IST1: variants seen among roughly 807,000 people sequenced by gnomAD.
IST1 encodes the protein IST1 factor associated with ESCRT-III, also known as IST1 homolog.
IST1 carries 23 observed loss-of-function variants against 37.0 expected under a neutral mutation model. The observed-to-expected ratio is 0.62, with a 90% confidence interval of 0.45 to 0.88. The LOEUF (loss-of-function observed/expected upper bound fraction) is 0.88, where lower values mean the gene tolerates loss of function less well. IST1 is among the 40% of genes least tolerant of loss of function. The pLI, the probability that IST1 is intolerant of heterozygous loss-of-function variation, is 0.00. For missense variants in IST1, 488 were observed against 445.4 expected (o/e 1.10, Z -0.86); for synonymous variants, 180 against 161.7 (o/e 1.11, Z -0.86).
intron 8 of IST1, chr16:71,924,497 G>A (rs548321128): frequency 4.4e-5 from 24 of 546,050 alleles, no homozygotes; most frequent in South Asian, 1.9e-4. Context: ...AGGCTGAGGC[G>A]GGGCAATGGC....
At position 71,923,045 on chromosome 16, in the gene IST1, TAG is replaced by T. The variant is rs1194680973; in HGVS notation, c.760-240_760-239del. ...GTCATTGGTAGTAAGAAAGTCTCGT[TAG>T]AGTTTTCCCTTGTAAACACTGAAGC... is the stretch of plus-strand genomic sequence containing the variant. On this transcript the variant is annotated intron_variant, in intron 7 of 9. Coordinates refer to ENST00000378799, the MANE Select transcript of IST1 (RefSeq NM_001270975.2). The T allele has an allele frequency of 7.0e-5, 33 of 471,246 alleles. 1 individual carries two copies. In the South Asian group the frequency reaches 9.0e-4, roughly 13 times the overall value. The allele number at this position is 471,246 out of a possible 1,614,324, so 29.2% of individuals were successfully genotyped here.
At chr16:71,927,468 G>A (rs1250740300) in intron 9 of IST1, 146 bp from the exon 10 acceptor site, 2 of 639,796 alleles carry the variant, frequency 3.1e-6, no homozygotes, top group Non-Finnish European at 5.4e-6. Context: ...CAGCCTGGGT[G>A]ACAGAGGGAG....
intron 1 of IST1, among the ~76,000 whole-genome samples, chr16:71,910,927 T>A (rs974607055): frequency 6.6e-6 from 1 of 152,124 alleles, no homozygotes; most frequent in Non-Finnish European, 1.5e-5. Context: ...CATTTATATA[T>A]GTGTATAAAG....
At chr16:71,924,901 G>C (rs1401043997) in intron 9 of IST1, 84 bp downstream of exon 9, 3 of 962,986 alleles carry the variant, frequency 3.1e-6, no homozygotes, top group East Asian at 2.4e-5. Context: ...CTTAGAGACT[G>C]TTTCCATGTC....
At chr16:71,913,271 A>C (rs1439407323) in intron 1 of IST1, among the ~76,000 whole-genome samples, 1 of 150,958 alleles carries the variant, frequency 6.6e-6, no homozygotes. Context: ...TCAGTACTTG[A>C]AATTTTCTTT....
chr16:71,922,942 A>G, intron 7 of IST1: 1 of 535,530 alleles, frequency 1.9e-6, no homozygotes, highest in African/African-American at 1.9e-5. Context: ...GATCTGTTAT[A>G]GTCATACTAG....
At position 71,917,051 on chromosome 16, in the gene IST1, C is replaced by G. The variant is rs769663815; in HGVS notation, c.274C>G (p.Leu92Val). The G allele has an allele frequency of 1.9e-6, 3 of 1,594,784 alleles. No individual in the cohort carries two copies. The highest frequency in any genetic ancestry group is 1.4e-5 in the African/African-American group (1 of 74,070). Residue 92 changes from leucine (L) to valine (V), a missense_variant, in exon 4 of 10, where the codon CTA becomes GTA. Physicochemically the swap from Leu to Val is conservative, Grantham distance 32. Around this residue, in one of 2 missense-constraint regions of IST1, gnomAD observed 455 missense variants for 386.2 expected, o/e 1.18. Coordinates refer to ENST00000378799, the MANE Select transcript of IST1 (RefSeq NM_001270975.2). Reference protein sequence around the residue: ...RFGLIQSMKELDSGLAESVST... With the variant: ...RFGLIQSMKEVDSGLAESVST... Reference sequence around the variant, plus strand: ...TTAATTTTTTTCCTTGATTAGGGAACTAGATTCTGGTCTGGCTGAATCTGT... The same window carrying G: ...TTAATTTTTTTCCTTGATTAGGGAAGTAGATTCTGGTCTGGCTGAATCTGT...
At chr16:71,927,503 G>T (rs764558830) in intron 9 of IST1, 111 bp from the exon 10 acceptor site, 422 of 711,072 alleles carry the variant, frequency 5.9e-4, no homozygotes, top group Non-Finnish European at 8.3e-4. Context: ...AAAAAAAAAA[G>T]TTTGTGAACT....
chr16:71,911,859 G>C (rs1434619398), intron 1 of IST1, among the ~76,000 whole-genome samples: 1 of 151,908 alleles, frequency 6.6e-6, no homozygotes, highest in Non-Finnish European at 1.5e-5. Context: ...TGGAACTACA[G>C]GCTCGCACCA....
chr16:71,911,877 A>G (rs1024331852), intron 1 of IST1, among the ~76,000 whole-genome samples: 2 of 151,720 alleles, frequency 1.3e-5, no homozygotes, highest in African/African-American at 2.4e-5. Flanking sequence ...CCACCATGCC[A>G]TGGCGAATTT....
chr16:71,921,551 G>A, intron 6 of IST1, 98 bp downstream of exon 6: 1 of 721,960 alleles, frequency 1.4e-6, no homozygotes, highest in Non-Finnish European at 2.4e-6. Flanking sequence ...AAATTTGTGT[G>A]AGTTTAAGCC....
intron 1 of IST1, chr16:71,903,661 G>A (rs1333183700): frequency 6.6e-6 from 1 of 152,210 alleles, no homozygotes; most frequent in Non-Finnish European, 1.5e-5. Flanking sequence ...AGCCTCTCAA[G>A]TAGCTGAGGT....
upstream of IST1, chr16:71,894,716 T>TTTTTTTTGG: frequency 1.8e-6 from 1 of 557,206 alleles, no homozygotes; most frequent in South Asian, 2.5e-5. Flanking sequence ...TTTTTTTTTT[T>TTTTTTTTGG]GTAGCGATGC....
At chr16:71,919,388 C>G (rs532140486) in intron 4 of IST1, among the ~76,000 whole-genome samples, 1 of 152,100 alleles carries the variant, frequency 6.6e-6, no homozygotes, top group African/African-American at 2.4e-5. Flanking sequence ...CCTAGTCATC[C>G]TTTAATTTAT....
Position 71,922,468 on chromosome 16 carries a change from T to A in IST1, c.553-6T>A. 6.2e-7 allele frequency: 1 copy of A among 1,613,312 alleles called. No individual in the cohort carries two copies. The highest frequency in any genetic ancestry group is 8.5e-7 in the Non-Finnish European group (1 of 1,179,532). On this transcript the variant is annotated splice_region_variant and splice_polypyrimidine_tract_variant and intron_variant, in intron 6 of 9. Coordinates refer to ENST00000378799, the MANE Select transcript of IST1 (RefSeq NM_001270975.2). The stretch of plus-strand genomic sequence containing the variant: ...TTAATGACCTGGGTTTCTCTTTTTT[T>A]CTCAGGCAGAAGCTCCTCCTGGGGT...
Position 71,928,318 on chromosome 16 carries a change from A to C in IST1, c.*505A>C. ...GAATGCAAGTGGGAGAGGGAAAATG[A>C]CTCGGGACGCCATTGTAACGGTTCC... is the stretch of plus-strand genomic sequence containing the variant. On this transcript the variant is annotated 3_prime_UTR_variant, in exon 10 of 10. Coordinates refer to ENST00000378799, the MANE Select transcript of IST1 (RefSeq NM_001270975.2). The C allele has an allele frequency of 6.0e-6, 1 of 165,664 alleles. No homozygotes were observed. Among genetic ancestry groups the C allele is most frequent in the Non-Finnish European group, 1.3e-5 (1 of 76,362 alleles). 10.3% of individuals were successfully genotyped at this position (165,664 alleles called of 1,614,324 possible). A position where few individuals can be genotyped will look rare whatever the true frequency, so the allele number is the denominator to read the frequency against.
chr16:71,901,711 C>T (rs909489366), intron 1 of IST1, among the ~76,000 whole-genome samples: 2 of 152,238 alleles, frequency 1.3e-5, no homozygotes, highest in East Asian at 3.9e-4. Context: ...AATTGCTTTT[C>T]TTTCCTTAAT....
chr16:71,903,333 C>CT (rs1567461026), intron 1 of IST1: 1 of 152,102 alleles, frequency 6.6e-6, no homozygotes, highest in Admixed American at 6.6e-5. Context: ...TAAGCACTGC[C>CT]TTAGCTACAT....
chr16:71,906,297 C>A (rs1261369544), intron 1 of IST1, among the ~76,000 whole-genome samples: 1 of 151,516 alleles, frequency 6.6e-6, no homozygotes, highest in African/African-American at 2.4e-5. Context: ...GCCACTGCGC[C>A]CGGCCTTTTT....
Sources: gnomAD v4.1 joint callset for allele counts (sites outside exome capture counted in the v4.1 genomes callset) on GRCh38, gnomAD v4.1.1 for gene constraint, gnomAD v4.1.1 regional missense constraint, MANE v1.5 for transcripts, NCBI Gene and HGNC (gene_info 2026-07-23, HGNC 2026-07-21) for gene names.